Variants in TNIK observed in about 807,000 individuals in gnomAD.
TNIK encodes TRAF2 and NCK interacting kinase.
In TNIK, 49 loss-of-function variants were observed where a neutral mutation model predicts 191.3. That is an observed-to-expected ratio of 0.26 (90% CI 0.20 to 0.32). The LOEUF is 0.32. TNIK is among the 10% of genes least tolerant of loss of function. The pLI is 1.00. For synonymous variants in TNIK, 594 were observed against 600.9 expected (o/e 0.99, Z 0.17); for missense variants, 1,155 against 1,702.3 (o/e 0.68, Z 5.66).
At chr3:171,341,561 G>GT (rs1299861431) in intron 2 of TNIK, among the ~76,000 whole-genome samples, 3 of 123,828 alleles carry the variant, frequency 2.4e-5, no homozygotes, top group Admixed American at 1.7e-4. Context: ...TCAGCTTTTT[G>GT]TTTTTTGTTT....
At chr3:171,452,561 C>T (rs1728290548) in intron 1 of TNIK, among the ~76,000 whole-genome samples, 1 of 152,098 alleles carries the variant, frequency 6.6e-6, no homozygotes, top group Admixed American at 6.5e-5. Flanking sequence ...CACCATCTCC[C>T]AAACTCTCTC....
chr3:171,241,866 A>G (rs1348995956), intron 2 of TNIK, among the ~76,000 whole-genome samples: 1 of 152,184 alleles, frequency 6.6e-6, no homozygotes, highest in African/African-American at 2.4e-5. Flanking sequence ...AGTCCTTTGT[A>G]GGGACATGGA....
rs550689790 is a variant in TNIK at position 171,313,344 on chromosome 3, C to G, written c.123+56276G>C. On this transcript the variant is annotated intron_variant, in intron 2 of 32. Transcript: ENST00000436636. ...ATCTGGAAGGGAAATTAGGGATCCT[C>G]AACTTCAACCTGTTCATGTTAAAGA... is the stretch of plus-strand genomic sequence containing the variant. Among the ~76,000 whole-genome samples the G allele has an allele frequency of 3.9e-5, 6 of 152,042 alleles. No individual in the cohort carries two copies. In the South Asian group the frequency reaches 8.3e-4, roughly 21 times the overall value.
intron 27 of TNIK, among the ~76,000 whole-genome samples, chr3:171,079,873 A>G (rs1217216938): frequency 2.0e-5 from 3 of 152,320 alleles, no homozygotes; most frequent in East Asian, 1.9e-4. Context: ...CAGAATTACA[A>G]TGTCTTTTAT....
rs1192279800 is a variant in TNIK at position 171,228,155 on chromosome 3, A to G, written c.180+10T>C. The G allele has an allele frequency of 1.9e-6, 3 of 1,613,544 alleles. No homozygotes were observed. The highest frequency in any genetic ancestry group is 2.5e-6 in the Non-Finnish European group (3 of 1,179,558). ...CATGGCTATTGAGATGGCAAAATAA[A>G]GACACTTACCCCTGTGACATCCATA... On this transcript the variant is annotated intron_variant, in intron 3 of 32. Transcript: ENST00000436636.
In TNIK at chr3:171,072,830, C is replaced by A. The variant is rs552054355; in HGVS notation, c.3449-1507G>T. ...TATAATAACAGACACACACACACACCCCACACACACCCCTAGGATAATACA... is the reference window on the plus strand; with the variant it reads ...TATAATAACAGACACACACACACACACCACACACACCCCTAGGATAATACA... On this transcript the variant is annotated intron_variant, in intron 28 of 32. Coordinates refer to ENST00000436636, the MANE Select transcript of TNIK (RefSeq NM_015028.4). Among the ~76,000 whole-genome samples the A allele has an allele frequency of 5.2e-4, 78 of 151,050 alleles. 2 individuals carry two copies. The South Asian group carries it at 0.016, about 31-fold the overall frequency.
At chr3:171,300,318 A>G (rs992886857) in intron 2 of TNIK, among the ~76,000 whole-genome samples, 2 of 152,236 alleles carry the variant, frequency 1.3e-5, no homozygotes, top group African/African-American at 4.8e-5. Context: ...GGGGCCAGGA[A>G]GAACAGGAGT....
At chr3:171,122,590 C>T (rs1394067746) in intron 18 of TNIK, among the ~76,000 whole-genome samples, 1 of 152,206 alleles carries the variant, frequency 6.6e-6, no homozygotes, top group Non-Finnish European at 1.5e-5. Flanking sequence ...TTCCCTAAGG[C>T]TTTTCATGTG....
intron 2 of TNIK, among the ~76,000 whole-genome samples, chr3:171,361,632 G>A (rs144129747): frequency 5.2e-4 from 79 of 152,148 alleles, no homozygotes; most frequent in Admixed American, 1.4e-3. Flanking sequence ...TTTAATTCTA[G>A]CAAAACTACA....
At chr3:171,167,054 A>G (rs367924056) in intron 10 of TNIK, 41 bp downstream of exon 10, 113 of 1,591,932 alleles carry the variant, frequency 7.1e-5, no homozygotes, top group Non-Finnish European at 9.3e-5. Context: ...GATTCACTCC[A>G]TCTTTTGTTT....
intron 17 of TNIK, among the ~76,000 whole-genome samples, chr3:171,124,325 A>T (rs1053666131): frequency 6.6e-6 from 1 of 152,212 alleles, no homozygotes; most frequent in Non-Finnish European, 1.5e-5. Context: ...ATTAGTGAAC[A>T]TAATAGAACA....
rs1723628663 is a variant in TNIK, at chr3:171,420,389, AC to A, written c.57+39617del. ...AAGCAGTAAAAAGGAGTTTTTTTAC[AC>A]TCAAGGTAGGCCCACCTCTCCAGCA... is the stretch of plus-strand genomic sequence containing the variant. On this transcript the variant is annotated intron_variant, in intron 1 of 32. Coordinates refer to ENST00000436636, the MANE Select transcript of TNIK (RefSeq NM_015028.4). Among the ~76,000 whole-genome samples the A allele has an allele frequency of 2.0e-5, 3 of 152,144 alleles. No homozygotes were observed. In the South Asian group the frequency reaches 6.2e-4, roughly 32 times the overall value.
rs1040188452 is a variant in TNIK, at chr3:171,426,719, G to GCCCCTTCT, written c.57+33280_57+33287dup. On this transcript the variant is annotated intron_variant, in intron 1 of 32. Coordinates refer to ENST00000436636, the MANE Select transcript of TNIK (RefSeq NM_015028.4). ...TCCACTCCTGGGCACCTGTCCTTTA[G>GCCCCTTCT]CCCCTTCTCACCACACTCTGCCACT... is the stretch of plus-strand genomic sequence containing the variant. Among the ~76,000 whole-genome samples the GCCCCTTCT allele has an allele frequency of 2.6e-5, 4 of 152,118 alleles. No individual in the cohort carries two copies. The East Asian group carries it at 7.7e-4, about 29-fold the overall frequency.
chr3:171,323,733 A>T (rs1755432686), intron 2 of TNIK, among the ~76,000 whole-genome samples: 1 of 152,200 alleles, frequency 6.6e-6, no homozygotes. Flanking sequence ...GTGTGAAGAT[A>T]CTGCACAGGA....
At chr3:171,266,110 A>AAAGATGGGGGGAAGATAGGAG (rs1748367018) in intron 2 of TNIK, among the ~76,000 whole-genome samples, 1 of 152,208 alleles carries the variant, frequency 6.6e-6, no homozygotes, top group Non-Finnish European at 1.5e-5. Flanking sequence ...GGAAAGAAGA[A>AAAGATGGGGGGAAGATAGGAG]AAGATGGGGG....
At chr3:171,206,582 C>T (rs1390622129) in intron 4 of TNIK, among the ~76,000 whole-genome samples, 1 of 152,048 alleles carries the variant, frequency 6.6e-6, no homozygotes, top group East Asian at 1.9e-4. Flanking sequence ...GAAGATTTTG[C>T]TCAGTTTTTA....
At chr3:171,174,800 A>G (rs758590275) in intron 9 of TNIK, among the ~76,000 whole-genome samples, 1 of 152,250 alleles carries the variant, frequency 6.6e-6, no homozygotes, top group Non-Finnish European at 1.5e-5. Flanking sequence ...GCAAATGCTC[A>G]TACACGAGCC....
chr3:171,093,943 C>G lies in TNIK; in HGVS notation c.2617G>C (p.Glu873Gln). ...LIPTGAPGSN[E>Q]QYNVGMVGTH... ...CCCACCATTCCCACATTGTACTGCTCGTTGCTGCCTGGAGCTCCTGTTGGT... is the reference window on the plus strand; with the variant it reads ...CCCACCATTCCCACATTGTACTGCTGGTTGCTGCCTGGAGCTCCTGTTGGT... Residue 873 changes from glutamate to glutamine, a missense_variant, in exon 23 of 33, where the codon GAG becomes CAG. Coordinates refer to ENST00000436636, the MANE Select transcript of TNIK (RefSeq NM_015028.4). 1.2e-6 allele frequency: 2 copies of G among 1,613,556 alleles called. No individual in the cohort carries two copies. Among genetic ancestry groups the G allele is most frequent in the South Asian group, 1.1e-5 (1 of 90,944 alleles).
intron 1 of TNIK, among the ~76,000 whole-genome samples, chr3:171,389,454 A>C (rs1461341037): frequency 6.6e-6 from 1 of 152,196 alleles, no homozygotes; most frequent in Non-Finnish European, 1.5e-5. Context: ...AGATCTATGA[A>C]TAAAAAGTCA....
Sources: gnomAD v4.1 joint callset for allele counts (sites outside exome capture counted in the v4.1 genomes callset) on GRCh38, gnomAD v4.1.1 for gene constraint, MANE v1.5 for transcripts, NCBI Gene and HGNC (gene_info 2026-07-23, HGNC 2026-07-21) for gene names.